The following TMEM156 variants were observed in gnomAD, a reference collection of about 807,000 sequenced individuals.
TMEM156 encodes transmembrane protein 156.
TMEM156 carries 28 observed loss-of-function variants against 30.5 expected under a neutral mutation model. That is an observed-to-expected ratio of 0.92 (90% CI 0.68 to 1.26). TMEM156 has a LOEUF of 1.26. TMEM156 is among the 50% of genes most tolerant of loss of function. TMEM156 has a pLI of 0.00. For missense variants in TMEM156, 351 were observed against 340.6 expected (o/e 1.03, Z -0.24); for synonymous variants, 137 against 119.9 (o/e 1.14, Z -0.93).
chr4:38,989,950 C>T (rs531859620), intron 3 of TMEM156, among the ~76,000 whole-genome samples: 2 of 152,256 alleles, frequency 1.3e-5, no homozygotes, highest in South Asian at 4.1e-4. Context: ...CTCACCACCA[C>T]GCCCGGCTAA....
intron 1 of TMEM156, among the ~76,000 whole-genome samples, chr4:39,010,061 A>G (rs1036304211): frequency 3.3e-5 from 5 of 152,226 alleles, no homozygotes; most frequent in Non-Finnish European, 5.9e-5. Context: ...TACAAAATCA[A>G]TGTACAAAAA....
At chr4:39,027,980 C>T (rs774443226) in intron 1 of TMEM156, among the ~76,000 whole-genome samples, 1 of 151,990 alleles carries the variant, frequency 6.6e-6, no homozygotes, top group Non-Finnish European at 1.5e-5. Flanking sequence ...CGGTCTTAAA[C>T]TCCTGACCTC....
intron 1 of TMEM156, among the ~76,000 whole-genome samples, chr4:39,020,183 G>A (rs1026268144): frequency 2.0e-5 from 3 of 152,110 alleles, no homozygotes; most frequent in African/African-American, 4.8e-5. Flanking sequence ...TATGTACCAC[G>A]TTTTCTTTAT....
intron 1 of TMEM156, among the ~76,000 whole-genome samples, chr4:39,003,153 G>T (rs1713496181): frequency 6.6e-6 from 1 of 151,870 alleles, no homozygotes; most frequent in Admixed American, 6.6e-5. Context: ...TGTATAATTT[G>T]TATTTTGATA....
chr4:38,971,098 T>C lies in TMEM156; in HGVS notation c.863A>G (p.Glu288Gly). The C allele has an allele frequency of 1.2e-6, 2 of 1,614,072 alleles. No individual in the cohort carries two copies. Among genetic ancestry groups the C allele is most frequent in the East Asian group, 4.5e-5 (2 of 44,882 alleles). ...TQRLPLDQVQ[E>G]VLPPIPEL ...TAGTTCTGGAATTGGGGGAAGCACT[T>C]CCTGGACTTGATCCAAAGGCAGCCT... The change falls in exon 6 of 7, where the codon GAA becomes GGA. Residue 288 changes from glutamate to glycine, a missense_variant. Transcript: ENST00000381938.
In TMEM156 at chr4:38,998,403, G is replaced by A. The variant is rs1046323772; in HGVS notation, c.358+237C>T. ...CTACTAAAAACAAAAAATTAGCCGG[G>A]TGTGGTGGCAGGCGCCTGTGGTCCC... is the stretch of plus-strand genomic sequence containing the variant. On this transcript the variant is annotated intron_variant, in intron 2 of 6. Coordinates refer to ENST00000381938, the MANE Select transcript of TMEM156 (RefSeq NM_024943.3). The A allele has an allele frequency of 2.4e-4, 49 of 207,512 alleles. 1 individual carries two copies. Among genetic ancestry groups the A allele is most frequent in the Admixed American group, 1.1e-4 (2 of 17,690 alleles). The allele number at this position is 207,512 out of a possible 1,614,324, so 12.9% of individuals were successfully genotyped here.
chr4:38,984,345 C>CTGTGTGTG (rs770530490), intron 5 of TMEM156, among the ~76,000 whole-genome samples: 2,747 of 114,702 alleles, frequency 0.024, 25 homozygotes, highest in Non-Finnish European at 0.03. Flanking sequence ...CTCTCTCTCT[C>CTGTGTGTG]TCTCTGTGTG....
intron 3 of TMEM156, among the ~76,000 whole-genome samples, 162 bp from the exon 4 acceptor site, chr4:38,989,132 C>T (rs1712233867): frequency 6.6e-6 from 1 of 152,210 alleles, no homozygotes; most frequent in Admixed American, 6.5e-5. Context: ...TGAATTCTTT[C>T]TTGATATATG....
intron 1 of TMEM156, among the ~76,000 whole-genome samples, chr4:39,019,040 A>AG (rs1238821618): frequency 6.6e-6 from 1 of 151,750 alleles, no homozygotes; most frequent in African/African-American, 2.4e-5. Flanking sequence ...AAACAAAAAA[A>AG]AAAAAAAAAC....
intron 1 of TMEM156, among the ~76,000 whole-genome samples, chr4:39,001,007 C>T (rs1354114762): frequency 3.3e-5 from 5 of 152,014 alleles, no homozygotes; most frequent in Non-Finnish European, 7.4e-5. Context: ...TCAAAGCTTA[C>T]TGTGTAAAAA....
rs755612759 is a variant in TMEM156, at chr4:38,998,640, C to A, written c.358G>T (p.Val120Phe). The change falls in exon 2 of 7, where the codon GTT becomes TTT. Residue 120 changes from valine to phenylalanine, a missense_variant and splice_region_variant. By Grantham distance (50) the Val-to-Phe change is conservative (BLOSUM62 -1). Coordinates refer to ENST00000381938, the MANE Select transcript of TMEM156 (RefSeq NM_024943.3). ...ATTCTCACCTTCACTTTGTGTTTAC[C>A]TTTTGATGTTTGTTCCTGAGAAATA... is the stretch of plus-strand genomic sequence containing the variant. ...DFISQEQTSKVLIRRGSMEVK... is the reference protein window; with the variant it reads ...DFISQEQTSKFLIRRGSMEVK... The A allele has an allele frequency of 3.1e-6, 5 of 1,607,304 alleles. No individual in the cohort carries two copies. The East Asian group carries it at 6.7e-5, about 22-fold the overall frequency.
chr4:38,971,206 T>G, intron 5 of TMEM156, 69 bp from the exon 6 acceptor site: 1 of 1,449,380 alleles, frequency 6.9e-7, no homozygotes, highest in Non-Finnish European at 9.7e-7. Context: ...CTTATTCTAA[T>G]GTAGTAAGAG....
intron 3 of TMEM156, among the ~76,000 whole-genome samples, chr4:38,990,828 T>C (rs1171590411): frequency 8.4e-6 from 1 of 119,256 alleles, no homozygotes; most frequent in Non-Finnish European, 1.8e-5. Flanking sequence ...GTTTGTTTTC[T>C]GGTTTTTTTT....
intron 1 of TMEM156, among the ~76,000 whole-genome samples, chr4:39,016,727 T>A (rs1714508799): frequency 6.6e-6 from 1 of 152,222 alleles, no homozygotes; most frequent in South Asian, 2.1e-4. Context: ...AGAATCTAAT[T>A]TAATTTCATT....
intron 1 of TMEM156, among the ~76,000 whole-genome samples, chr4:39,005,406 C>T (rs1490693037): frequency 1.3e-5 from 2 of 152,148 alleles, no homozygotes; most frequent in East Asian, 3.9e-4. Flanking sequence ...TTTGCTCTCC[C>T]TTCTGTCTCC....
intron 1 of TMEM156, among the ~76,000 whole-genome samples, chr4:39,008,235 A>C (rs1713879719): frequency 1.3e-5 from 2 of 152,138 alleles, no homozygotes; most frequent in Non-Finnish European, 2.9e-5. Flanking sequence ...ATCATCATTG[A>C]TAATATTTCT....
intron 5 of TMEM156, among the ~76,000 whole-genome samples, chr4:38,978,294 G>A (rs1722980560): frequency 6.6e-6 from 1 of 152,132 alleles, no homozygotes; most frequent in Non-Finnish European, 1.5e-5. Context: ...GGAGTAAATA[G>A]GGTTAGGAGA....
At chr4:38,991,513 C>T (rs1712462425) in intron 3 of TMEM156, among the ~76,000 whole-genome samples, 2 of 152,066 alleles carry the variant, frequency 1.3e-5, no homozygotes, top group Non-Finnish European at 2.9e-5. Flanking sequence ...GAGCCTCCAC[C>T]GTGCCCAGCC....
At chr4:38,972,389 C>T (rs1327142573) in intron 5 of TMEM156, among the ~76,000 whole-genome samples, 2 of 150,498 alleles carry the variant, frequency 1.3e-5, no homozygotes, top group African/African-American at 4.9e-5. Flanking sequence ...TAGCTGGGAT[C>T]ACAGATGTGT....
Sources: allele counts gnomAD v4.1 joint callset (sites outside exome capture counted in the v4.1 genomes callset), GRCh38; gene constraint gnomAD v4.1.1; transcripts MANE v1.5; gene names NCBI Gene and HGNC (gene_info 2026-07-23, HGNC 2026-07-21).